MTA3: variants seen among roughly 807,000 people sequenced by gnomAD.
MTA3 encodes the protein metastasis associated 1 family member 3, also known as metastasis-associated protein MTA3.
MTA3 carries 34 observed loss-of-function variants against 83.5 expected under a neutral mutation model. That is an observed-to-expected ratio of 0.41 (90% CI 0.31 to 0.54). MTA3 has a LOEUF of 0.54. Among genes scored for constraint, MTA3 ranks in the 20% least tolerant of loss-of-function variants. The pLI, the probability that MTA3 is intolerant of heterozygous loss-of-function variation, is 0.33. For missense variants in MTA3, 761 were observed against 726.4 expected (o/e 1.05, Z -0.55); for synonymous variants, 303 against 252.7 (o/e 1.20, Z -1.89).
chr2:42,520,755 A>G (rs1558410994), intron 2 of MTA3, among the ~76,000 whole-genome samples: 1 of 151,912 alleles, frequency 6.6e-6, no homozygotes, highest in East Asian at 1.9e-4. Flanking sequence ...TTGTAGAGAC[A>G]GGGTCTCCCT....
At chr2:42,658,760 T>G (rs189280423) in intron 7 of MTA3, among the ~76,000 whole-genome samples, 1 of 152,256 alleles carries the variant, frequency 6.6e-6, no homozygotes, top group East Asian at 1.9e-4. Flanking sequence ...TGTTGTATTT[T>G]AATTAAAATA....
chr2:42,515,217 C>T (rs373503460), intron 2 of MTA3, among the ~76,000 whole-genome samples: 1 of 152,044 alleles, frequency 6.6e-6, no homozygotes, highest in Non-Finnish European at 1.5e-5. Context: ...CACCACCACA[C>T]CTGGCTAATT....
intron 4 of MTA3, among the ~76,000 whole-genome samples, chr2:42,623,961 A>G (rs1685832807): frequency 6.6e-6 from 1 of 152,014 alleles, no homozygotes; most frequent in African/African-American, 2.4e-5. Context: ...TGATCCACCC[A>G]CCTCGGCCTC....
At chr2:42,534,477 G>T (rs1219714089) in intron 2 of MTA3, among the ~76,000 whole-genome samples, 3 of 152,050 alleles carry the variant, frequency 2.0e-5, no homozygotes, top group Non-Finnish European at 4.4e-5. Context: ...AGCACCTGTA[G>T]TTCCAGCTAT....
At chr2:42,711,160 A>C (rs1374383303) in intron 14 of MTA3, among the ~76,000 whole-genome samples, 1 of 152,216 alleles carries the variant, frequency 6.6e-6, no homozygotes, top group East Asian at 1.9e-4. Context: ...ATTGGTGGGG[A>C]TCCAGTATCA....
At chr2:42,539,999 C>A (rs1409765391) in intron 2 of MTA3, among the ~76,000 whole-genome samples, 2 of 152,024 alleles carry the variant, frequency 1.3e-5, no homozygotes. Context: ...ACTCCTCTGC[C>A]ACCAGAAAGA....
At position 42,510,244 on chromosome 2, in the gene MTA3, T is replaced by G. The variant is rs1572898810; in HGVS notation, c.-141+14990T>G. ...GGGAGGGTGAGGCAGGAGAATCGCT[T>G]GAACCCAGGAGGCGGAGGTTGCAGT... On this transcript the variant is annotated intron_variant, in intron 2 of 17. Coordinates refer to the MTA3 transcript ENST00000405592. Among the ~76,000 whole-genome samples the G allele has an allele frequency of 1.3e-5, 2 of 150,628 alleles. 1 individual carries two copies. The highest frequency in any genetic ancestry group is 1.3e-4 in the Admixed American group (2 of 14,942).
intron 10 of MTA3, among the ~76,000 whole-genome samples, chr2:42,696,850 T>C (rs1693430410): frequency 6.6e-6 from 1 of 152,172 alleles, no homozygotes; most frequent in African/African-American, 2.4e-5. Context: ...AATATTAATA[T>C]AATTCAAAAA....
chr2:42,503,196 C>T (rs181241698), intron 2 of MTA3, among the ~76,000 whole-genome samples: 8 of 152,270 alleles, frequency 5.3e-5, no homozygotes, highest in South Asian at 2.1e-4. Flanking sequence ...CTTGATGATA[C>T]GCTGAACAAG....
chr2:42,708,917 G>A lies in MTA3; in HGVS notation c.1346G>A (p.Gly449Glu), dbSNP rs367988438. The A allele has an allele frequency of 1.2e-5, 19 of 1,613,872 alleles. No individual in the cohort carries two copies. The highest frequency in any genetic ancestry group is 1.5e-5 in the Non-Finnish European group (18 of 1,179,894). Residue 449 changes from glycine (G) to glutamate (E), a missense_variant, in exon 14 of 17, where the codon GGA (glycine) becomes GAA (glutamate). Coordinates refer to ENST00000405094, the MANE Select transcript of MTA3 (RefSeq NM_001330442.2). Reference sequence around the variant, plus strand: ...CACGTGTCCCGCCAGGCCATGCAGGGAATGCCAGTCCGAAACACTGGGAGT... The same window carrying A: ...CACGTGTCCCGCCAGGCCATGCAGGAAATGCCAGTCCGAAACACTGGGAGT... ...RSHVSRQAMQGMPVRNTGSPK... is the reference protein window; with the variant it reads ...RSHVSRQAMQEMPVRNTGSPK...
At chr2:42,685,498 G>A (rs1021213534) in intron 9 of MTA3, among the ~76,000 whole-genome samples, 1 of 152,190 alleles carries the variant, frequency 6.6e-6, no homozygotes, top group Admixed American at 6.5e-5. Context: ...TCTACCTGTG[G>A]CTCCAACGTG....
At chr2:42,548,621 C>T (rs1558428035) in intron 2 of MTA3, among the ~76,000 whole-genome samples, 1 of 147,240 alleles carries the variant, frequency 6.8e-6, no homozygotes, top group Non-Finnish European at 1.5e-5. Context: ...GCAAAAACGC[C>T]ATCTCTACAG....
intron 15 of MTA3, among the ~76,000 whole-genome samples, chr2:42,720,056 T>G (rs1413814031): frequency 6.6e-6 from 1 of 152,172 alleles, no homozygotes; most frequent in Non-Finnish European, 1.5e-5. Context: ...AGTGTAGTCT[T>G]GAATTTGGTA....
Position 42,705,024 on chromosome 2 carries a change from G to A in MTA3, c.1150+706G>A, listed in dbSNP as rs985567901. 1.4e-4 allele frequency among the ~76,000 whole-genome samples: 21 copies of A among 152,240 alleles called. No homozygotes were observed. The East Asian group carries it at 2.1e-3, about 15-fold the overall frequency. On this transcript the variant is annotated intron_variant, in intron 12 of 16. Coordinates refer to ENST00000405094, the MANE Select transcript of MTA3 (RefSeq NM_001330442.2). Reference sequence around the variant, plus strand: ...CCTGGGATGGGAGAGGGAAGGAAACGAATGTTTATTGAAAACCTACTTGGT... The same window carrying A: ...CCTGGGATGGGAGAGGGAAGGAAACAAATGTTTATTGAAAACCTACTTGGT...
chr2:42,688,609 C>G (rs1435136839), intron 9 of MTA3, among the ~76,000 whole-genome samples: 1 of 129,142 alleles, frequency 7.7e-6, no homozygotes, highest in African/African-American at 3.1e-5. Context: ...ATTTTGCATT[C>G]AAGTGTTTTT....
chr2:42,568,962 G>A (rs1036216349), intron 1 of MTA3, among the ~76,000 whole-genome samples, 189 bp downstream of exon 1: 3 of 151,756 alleles, frequency 2.0e-5, no homozygotes, highest in Non-Finnish European at 4.4e-5. Context: ...CCCCCACGCG[G>A]GCTCGCGAGG....
chr2:42,531,396 G>A (rs1233418654), intron 2 of MTA3, among the ~76,000 whole-genome samples: 2 of 147,494 alleles, frequency 1.4e-5, no homozygotes, highest in African/African-American at 2.5e-5. Flanking sequence ...CACACAAAGA[G>A]TGGATGCTTT....
intron 4 of MTA3, among the ~76,000 whole-genome samples, chr2:42,639,820 A>G (rs570111838): frequency 6.6e-6 from 1 of 152,214 alleles, no homozygotes; most frequent in South Asian, 2.1e-4. Context: ...ATTACCTCAT[A>G]ATATCTATTT....
At chr2:42,500,504 T>C (rs1205840969) in intron 2 of MTA3, among the ~76,000 whole-genome samples, 3 of 151,796 alleles carry the variant, frequency 2.0e-5, no homozygotes, top group South Asian at 2.1e-4. Flanking sequence ...GCCAGTGCAC[T>C]CCAGCCTGGG....
Sources: allele counts gnomAD v4.1 joint callset (sites outside exome capture counted in the v4.1 genomes callset), GRCh38; gene constraint gnomAD v4.1.1; transcripts MANE v1.5; gene names NCBI Gene and HGNC (gene_info 2026-07-23, HGNC 2026-07-21).